The following RIC3 variants were observed in gnomAD, a reference collection of about 807,000 sequenced individuals.
RIC3 encodes the protein protein RIC-3.
RIC3 carries 28 observed loss-of-function variants against 27.3 expected under a neutral mutation model. The ratio of observed to expected loss-of-function variants is 1.02; its 90% confidence interval spans 0.76 to 1.41. The LOEUF (loss-of-function observed/expected upper bound fraction) is 1.41, where lower values mean the gene tolerates loss of function less well. Among genes scored for constraint, RIC3 ranks in the 40% most tolerant of loss-of-function variants. The probability of loss-of-function intolerance (pLI) is 0.00; values close to 1 mark genes in which losing one functional copy is unlikely to be tolerated. For synonymous variants in RIC3, 184 were observed against 160.4 expected (o/e 1.15, Z -1.11); for missense variants, 501 against 444.7 (o/e 1.13, Z -1.14).
At chr11:8,097,306 C>T in the RIC3 span, 9 of 1,614,062 alleles carry the variant, frequency 5.6e-6, no homozygotes, top group East Asian at 1.6e-4. Context: ...GGAGTTTGCA[C>T]TGAGGCCGGC....
rs756873695 is a variant in RIC3 at position 8,169,000 on chromosome 11, G to T, written c.-11C>A. On this transcript the variant is annotated 5_prime_UTR_variant, in exon 1 of 6. Transcript: ENST00000309737. ...TGTGGAGTACGCCATGACTGCTCAC[G>T]GTGGTCGCAGGTGCAGACGCCAGCC... 2.1e-5 allele frequency: 33 copies of T among 1,563,088 alleles called. 1 individual carries two copies. In the South Asian group the frequency reaches 3.9e-4, roughly 18 times the overall value.
intron 5 of RIC3, among the ~76,000 whole-genome samples, chr11:8,116,727 T>C (rs1373409534): frequency 4.6e-5 from 7 of 152,190 alleles, no homozygotes; most frequent in Non-Finnish European, 8.8e-5. Context: ...TCTGTTAGAA[T>C]GGCTATTATC....
chr11:8,101,221 G>C (rs867293586), downstream of RIC3, among the ~76,000 whole-genome samples: 2 of 152,164 alleles, frequency 1.3e-5, no homozygotes, highest in African/African-American at 4.8e-5. Flanking sequence ...CGGAGTCTCA[G>C]GCACGGGAAC....
In RIC3 at chr11:8,106,500, A is replaced by C. The variant is rs529719434; in HGVS notation, c.*4198T>G. On this transcript the variant is annotated 3_prime_UTR_variant, in exon 6 of 6. Transcript: ENST00000309737. ...AGTCAGAAGGTACTTAAGTTAGAGC[A>C]GTTCTCTTCAGGGTCTGCTGTGCCG... 1.3e-5 allele frequency: 2 copies of C among 152,394 alleles called. No homozygotes were observed. The highest frequency in any genetic ancestry group is 2.4e-5 in the African/African-American group (1 of 41,578). 9.4% of individuals were successfully genotyped at this position (152,394 alleles called of 1,614,324 possible). A position where few individuals can be genotyped will look rare whatever the true frequency, so the allele number is the denominator to read the frequency against.
intron 1 of RIC3, among the ~76,000 whole-genome samples, chr11:8,167,133 G>C (rs938631730): frequency 6.6e-6 from 1 of 152,064 alleles, no homozygotes; most frequent in Admixed American, 6.6e-5. Context: ...TACAGTATTG[G>C]TAGCTTAATA....
At chr11:8,094,525 A>G in the RIC3 span, among the ~76,000 whole-genome samples, 1 of 152,204 alleles carries the variant, frequency 6.6e-6, no homozygotes, top group East Asian at 1.9e-4. Flanking sequence ...AGCCTGGACT[A>G]GGACACTCAC....
chr11:8,128,773 T>C (rs1947304882), intron 4 of RIC3, among the ~76,000 whole-genome samples: 1 of 148,168 alleles, frequency 6.7e-6, no homozygotes, highest in Non-Finnish European at 1.5e-5. Context: ...TTTTTTTTTT[T>C]TGAGATGGAG....
At chr11:8,149,792 C>G (rs1950057992) in intron 1 of RIC3, among the ~76,000 whole-genome samples, 1 of 152,186 alleles carries the variant, frequency 6.6e-6, no homozygotes, top group Non-Finnish European at 1.5e-5. Flanking sequence ...CCCTCGCAAA[C>G]CACGATTAGC....
In RIC3 at chr11:8,110,403, C is replaced by T; in HGVS notation, c.*295G>A. 2.1e-6 allele frequency: 1 copy of T among 467,634 alleles called. No homozygotes were observed. Among genetic ancestry groups the T allele is most frequent in the Admixed American group, 3.3e-5 (1 of 29,992 alleles). 29.0% of individuals were successfully genotyped at this position (467,634 alleles called of 1,614,324 possible). ...AGTCAGACCTTTGCCCCTGAGTGGT[C>T]CCATCTGTAATTACAATAGACCAAA... On this transcript the variant is annotated 3_prime_UTR_variant, in exon 6 of 6. Transcript: ENST00000309737.
intron 1 of RIC3, among the ~76,000 whole-genome samples, chr11:8,166,014 C>T (rs1951666201): frequency 6.6e-6 from 1 of 152,108 alleles, no homozygotes; most frequent in South Asian, 2.1e-4. Flanking sequence ...GTCTCGAACT[C>T]CCAGGCTCAA....
downstream of RIC3, chr11:8,101,499 G>C (rs1944303250): frequency 9.3e-6 from 15 of 1,614,222 alleles, no homozygotes; most frequent in Non-Finnish European, 1.3e-5. Flanking sequence ...ACTACATCGT[G>C]ATGCAGTTTG....
intron 5 of RIC3, among the ~76,000 whole-genome samples, chr11:8,115,670 G>C (rs1191010994): frequency 1.3e-5 from 2 of 152,162 alleles, no homozygotes; most frequent in Non-Finnish European, 2.9e-5. Context: ...AGCTCGGCAT[G>C]GTGGTGCATG....
At chr11:8,101,406 T>C (rs1944296022), downstream of RIC3, 9 of 1,559,032 alleles carry the variant, frequency 5.8e-6, no homozygotes, top group Middle Eastern at 1.7e-4. Context: ...CTCATGTGGT[T>C]TGGGTGTCTG....
intron 4 of RIC3, among the ~76,000 whole-genome samples, chr11:8,129,950 G>C (rs1644782626): frequency 6.6e-6 from 1 of 152,204 alleles, no homozygotes. Flanking sequence ...GACACACTCA[G>C]TGCTGAACTT....
chr11:8,094,003 C>T, the RIC3 span: 8 of 1,613,636 alleles, frequency 5.0e-6, no homozygotes, highest in Admixed American at 1.0e-4. Flanking sequence ...GTCTCACCCA[C>T]TGCCTGTTTC....
chr11:8,154,751 G>GT (rs11432659), intron 1 of RIC3, among the ~76,000 whole-genome samples: 6,462 of 151,922 alleles, frequency 0.043, 170 homozygotes, highest in South Asian at 0.088. Flanking sequence ...TAAGATTTGT[G>GT]TTTTTTTAAG....
chr11:8,134,848 T>C (rs1948181315), intron 4 of RIC3, among the ~76,000 whole-genome samples: 1 of 152,214 alleles, frequency 6.6e-6, no homozygotes, highest in Non-Finnish European at 1.5e-5. Flanking sequence ...GGGTTGTTTT[T>C]TTCTTGTAAA....
chr11:8,137,254 C>T, intron 4 of RIC3, 124 bp downstream of exon 4: 2 of 747,288 alleles, frequency 2.7e-6, no homozygotes, highest in Non-Finnish European at 4.6e-6. Flanking sequence ...AAACTCCTGA[C>T]CTCAGATGAT....
intron 1 of RIC3, among the ~76,000 whole-genome samples, chr11:8,151,101 A>G (rs2134108974): frequency 6.6e-6 from 1 of 152,346 alleles, no homozygotes; most frequent in Middle Eastern, 3.4e-3. Flanking sequence ...CTTAGACAGG[A>G]CACCAAAAGC....
Sources: gnomAD v4.1 joint callset for allele counts (sites outside exome capture counted in the v4.1 genomes callset) on GRCh38, gnomAD v4.1.1 for gene constraint, MANE v1.5 for transcripts, NCBI Gene and HGNC (gene_info 2026-07-23, HGNC 2026-07-21) for gene names.